The following HDLBP variants were observed in gnomAD, a reference collection of about 807,000 sequenced individuals.
HDLBP encodes vigilin.
Under a neutral mutation model 137.3 loss-of-function variants are expected in HDLBP, and 30 were observed. That is an observed-to-expected ratio of 0.22 (90% CI 0.16 to 0.30). The LOEUF is 0.30. HDLBP is among the 10% of genes least tolerant of loss of function. The probability of loss-of-function intolerance (pLI) is 1.00; values close to 1 mark genes in which losing one functional copy is unlikely to be tolerated. For missense variants in HDLBP, 1,119 were observed against 1,667.3 expected (o/e 0.67, Z 5.73); for synonymous variants, 606 against 596.0 (o/e 1.02, Z -0.24).
intron 1 of HDLBP, among the ~76,000 whole-genome samples, chr2:241,281,904 GTGTC>G (rs1324895022): frequency 1.3e-5 from 2 of 152,204 alleles, no homozygotes; most frequent in Admixed American, 6.5e-5. Flanking sequence ...CAGTGCTACA[GTGTC>G]TGTATTTTCA....
intron 1 of HDLBP, among the ~76,000 whole-genome samples, chr2:241,289,792 G>C (rs1450220941): frequency 6.6e-6 from 1 of 152,110 alleles, no homozygotes; most frequent in African/African-American, 2.4e-5. Flanking sequence ...CAAAGGTAAG[G>C]AGTGCCCTCT....
intron 1 of HDLBP, among the ~76,000 whole-genome samples, chr2:241,300,875 T>G (rs1002700182): frequency 6.6e-6 from 1 of 152,100 alleles, no homozygotes; most frequent in African/African-American, 2.4e-5. Flanking sequence ...CATGAGCAAT[T>G]AGATCAAAAT....
chr2:241,298,083 G>A (rs113453819), intron 1 of HDLBP, among the ~76,000 whole-genome samples: 36,794 of 81,928 alleles, frequency 0.45, 7,848 homozygotes, highest in East Asian at 0.67. Flanking sequence ...AAAAAAAAAA[G>A]GGCCAGGCAT....
chr2:241,248,534 G>A (rs1379051843), intron 12 of HDLBP, among the ~76,000 whole-genome samples, 186 bp from the exon 13 acceptor site: 4 of 152,034 alleles, frequency 2.6e-5, no homozygotes, highest in Non-Finnish European at 5.9e-5. Context: ...CGCATAATGA[G>A]TGCTCTCACC....
At chr2:241,257,492 A>G (rs1034536084) in intron 5 of HDLBP, among the ~76,000 whole-genome samples, 1 of 152,188 alleles carries the variant, frequency 6.6e-6, no homozygotes, top group Non-Finnish European at 1.5e-5. Context: ...CAGCCTCCCA[A>G]AGTGCTGGGA....
intron 1 of HDLBP, among the ~76,000 whole-genome samples, chr2:241,293,102 A>G (rs185414764): frequency 1.3e-5 from 2 of 152,330 alleles, no homozygotes; most frequent in East Asian, 3.9e-4. Context: ...CACAGGGTGA[A>G]TCAAACTTGT....
chr2:241,249,481 C>T lies in HDLBP; in HGVS notation c.1512+360G>A, dbSNP rs767095964. 55 of 493,102 alleles carry T rather than the reference C, an allele frequency of 1.1e-4. 1 individual carries two copies. In the Admixed American group the frequency reaches 1.2e-3, roughly 11 times the overall value. The allele number at this position is 493,102 out of a possible 1,614,324, so 30.5% of individuals were successfully genotyped here. ...CCCACTTCAGGTTTGCAGTGATCCTCGAGTCTGGCCTTACATGAGAACCAC... is the reference window on the plus strand; with the variant it reads ...CCCACTTCAGGTTTGCAGTGATCCTTGAGTCTGGCCTTACATGAGAACCAC... On this transcript the variant is annotated intron_variant, in intron 12 of 27. Transcript: ENST00000310931.
intron 1 of HDLBP, chr2:241,279,955 C>T (rs1048584664): frequency 2.6e-5 from 26 of 985,370 alleles, no homozygotes; most frequent in Middle Eastern, 5.2e-4. Context: ...GACAGGAACC[C>T]GCTGCAGTGG....
chr2:241,235,625 G>T, intron 21 of HDLBP, 31 bp from the exon 22 acceptor site: 1 of 1,502,700 alleles, frequency 6.7e-7, no homozygotes, highest in Non-Finnish European at 9.3e-7. Flanking sequence ...GTTAGGCCGT[G>T]GGAGCTGAGA....
intron 9 of HDLBP, among the ~76,000 whole-genome samples, chr2:241,254,271 A>C (rs1016011402): frequency 6.6e-6 from 1 of 152,160 alleles, no homozygotes; most frequent in Admixed American, 6.5e-5. Context: ...CACTAAAAAA[A>C]AGGAATAAAA....
chr2:241,288,706 T>C (rs2074914483), intron 1 of HDLBP, among the ~76,000 whole-genome samples: 1 of 152,196 alleles, frequency 6.6e-6, no homozygotes, highest in African/African-American at 2.4e-5. Flanking sequence ...CCTGAGCCGC[T>C]GAAAGGTGTT....
intron 2 of HDLBP, chr2:241,267,466 G>A (rs1342970527): frequency 1.0e-6 from 1 of 985,892 alleles, no homozygotes; most frequent in Non-Finnish European, 1.5e-6. Context: ...GCAGGGGTGG[G>A]GGGACCATGG....
At chr2:241,296,575 C>T (rs2075189734) in intron 1 of HDLBP, among the ~76,000 whole-genome samples, 1 of 152,152 alleles carries the variant, frequency 6.6e-6, no homozygotes, top group African/African-American at 2.4e-5. Context: ...GTCTGGAAAA[C>T]ATCTGAATAG....
chr2:241,281,413 C>T (rs1173728907), intron 1 of HDLBP, among the ~76,000 whole-genome samples: 3 of 152,036 alleles, frequency 2.0e-5, no homozygotes, highest in South Asian at 2.1e-4. Context: ...CCCAGCTACT[C>T]GGGAGGCTGA....
Position 241,238,438 on chromosome 2 carries a change from T to C in HDLBP, c.2749+211A>G. On this transcript the variant is annotated intron_variant, in intron 20 of 27. Transcript: ENST00000310931. The surrounding 1 kb of genome is among the most constrained non-coding windows in gnomAD (Gnocchi z 4.9). ...GGCTACCTTGTGTGTCTCTAGGACC[T>C]ATGAAGGTCACCTGGTCACTCTGTC... The C allele has an allele frequency of 2.5e-6, 1 of 406,146 alleles. No individual in the cohort carries two copies. Among genetic ancestry groups the C allele is most frequent in the Non-Finnish European group, 4.4e-6 (1 of 229,102 alleles). The allele number at this position is 406,146 out of a possible 1,614,324, so 25.2% of individuals were successfully genotyped here. A position where few individuals can be genotyped will look rare whatever the true frequency, so the allele number is the denominator to read the frequency against.
chr2:241,261,844 C>T (rs73116310), intron 5 of HDLBP, among the ~76,000 whole-genome samples: 4,030 of 152,322 alleles, frequency 0.026, 111 homozygotes, highest in African/African-American at 0.069. Flanking sequence ...CACTCCTACC[C>T]CTCAGGCCCT....
chr2:241,312,712 C>T (rs867822570), intron 1 of HDLBP, among the ~76,000 whole-genome samples: 1 of 152,176 alleles, frequency 6.6e-6, no homozygotes, highest in Non-Finnish European at 1.5e-5. Context: ...GCACAATGAA[C>T]GGGCCATACC....
At chr2:241,257,262 C>T (rs2072708535) in intron 5 of HDLBP, among the ~76,000 whole-genome samples, 1 of 152,164 alleles carries the variant, frequency 6.6e-6, no homozygotes, top group African/African-American at 2.4e-5. Context: ...GAGACGGAGT[C>T]TCGCTCTGAC....
intron 1 of HDLBP, among the ~76,000 whole-genome samples, chr2:241,299,653 C>A (rs2075321866): frequency 6.6e-6 from 1 of 152,062 alleles, no homozygotes; most frequent in Admixed American, 6.6e-5. Context: ...CGGTGGCTCA[C>A]GCCTGTAATC....
Sources: gnomAD v4.1 joint callset for allele counts (sites outside exome capture counted in the v4.1 genomes callset) on GRCh38, gnomAD v4.1.1 for gene constraint, Gnocchi (gnomAD v3.1) non-coding constraint, MANE v1.5 for transcripts, NCBI Gene and HGNC (gene_info 2026-07-23, HGNC 2026-07-21) for gene names.